TYW1B: variants seen among roughly 807,000 people sequenced by gnomAD.
The protein encoded by TYW1B is S-adenosyl-L-methionine-dependent tRNA 4-demethylwyosine synthase TYW1B.
A neutral mutation model predicts 86.9 loss-of-function variants in TYW1B; 73 were observed. The observed-to-expected ratio is 0.84, with a 90% confidence interval of 0.70 to 1.02. TYW1B has a LOEUF of 1.02. Ranked by LOEUF, TYW1B falls within the 50% of genes least tolerant of loss-of-function variation. TYW1B has a pLI of 0.00. For synonymous variants in TYW1B, 248 were observed against 292.8 expected (o/e 0.85, Z 1.56); for missense variants, 637 against 827.4 (o/e 0.77, Z 2.82).
At chr7:72,610,427 C>T (rs1811906012) in intron 13 of TYW1B, among the ~76,000 whole-genome samples, 1 of 151,996 alleles carries the variant, frequency 6.6e-6, no homozygotes, top group Admixed American at 6.6e-5. Flanking sequence ...GACACCATCA[C>T]AATCACTCAT....
At chr7:72,766,429 C>T (rs1326672044) in intron 7 of TYW1B, among the ~76,000 whole-genome samples, 6 of 151,594 alleles carry the variant, frequency 4.0e-5, no homozygotes, top group East Asian at 1.9e-4. Flanking sequence ...GCCTGGCCAA[C>T]GTGGCAAAAC....
chr7:72,589,692 C>A (rs1177999806), intron 13 of TYW1B, among the ~76,000 whole-genome samples: 1 of 152,188 alleles, frequency 6.6e-6, no homozygotes, highest in Non-Finnish European at 1.5e-5. Flanking sequence ...GCCTGACCAA[C>A]ATGGTGAAAC....
intron 2 of TYW1B, among the ~76,000 whole-genome samples, chr7:72,824,469 G>A (rs1554481098): frequency 6.6e-6 from 1 of 152,010 alleles, no homozygotes; most frequent in South Asian, 2.1e-4. Flanking sequence ...GGCTGGGAGC[G>A]GTGCCTCACG....
At chr7:72,655,056 A>C (rs1554443424) in intron 11 of TYW1B, among the ~76,000 whole-genome samples, 2 of 152,180 alleles carry the variant, frequency 1.3e-5, no homozygotes, top group Admixed American at 6.5e-5. Context: ...GATGTCATCA[A>C]GATGGTTGAC....
intron 11 of TYW1B, among the ~76,000 whole-genome samples, chr7:72,632,462 C>CGT (rs1554440105): frequency 2.1e-4 from 19 of 90,916 alleles, no homozygotes; most frequent in African/African-American, 8.2e-4. Context: ...TATATATATA[C>CGT]ATATATATAT....
chr7:72,596,592 A>T (rs74486091), intron 13 of TYW1B, among the ~76,000 whole-genome samples: 1 of 152,212 alleles, frequency 6.6e-6, no homozygotes, highest in Non-Finnish European at 1.5e-5. Flanking sequence ...AAAGCAATGA[A>T]GCTGGACCCT....
At chr7:72,738,375 G>A (rs35396753) in intron 8 of TYW1B, among the ~76,000 whole-genome samples, 11 of 152,278 alleles carry the variant, frequency 7.2e-5, no homozygotes, top group South Asian at 2.1e-4. Context: ...GAGCCACTGC[G>A]CCCGGCCTGG....
chr7:72,789,939 CTTTTTTTTTTTT>C (rs67405029), intron 6 of TYW1B, among the ~76,000 whole-genome samples: 31 of 69,212 alleles, frequency 4.5e-4, no homozygotes, highest in African/African-American at 1.5e-3. Flanking sequence ...ATAGGATTAT[CTTTTTTTTTTTT>C]TTTTTTTTTT....
chr7:72,712,837 T>C lies in TYW1B; in HGVS notation c.1370+784A>G, dbSNP rs560471770. Among the ~76,000 whole-genome samples the C allele has an allele frequency of 1.1e-3, 162 of 152,272 alleles. 1 individual carries two copies. The highest frequency in any genetic ancestry group is 3.7e-3 in the African/African-American group (155 of 41,562). ...TCCTAGACCATCTAATCCCAACCTT[T>C]CTAACTTGACTTCCACCTGCCACTC... On this transcript the variant is annotated intron_variant, in intron 10 of 13. Transcript: ENST00000620995.
chr7:72,656,611 C>CA lies in TYW1B; in HGVS notation c.1507-27615dup, dbSNP rs797022984. On this transcript the variant is annotated intron_variant, in intron 11 of 13. Transcript: ENST00000620995. ...CCTGGGTGACAGAGCAACTCTGTCT[C>CA]AAAAAAAAAAAGAAAAAAGAGAATA... Among the ~76,000 whole-genome samples, 705 of 127,232 alleles carry CA rather than the reference C, an allele frequency of 5.5e-3. 4 individuals carry two copies. The highest frequency in any genetic ancestry group is 0.013 in the African/African-American group (462 of 34,336). 83.5% of individuals were successfully genotyped at this position (127,232 alleles called of 152,430 possible). A position where few individuals can be genotyped will look rare whatever the true frequency, so the allele number is the denominator to read the frequency against.
chr7:72,599,730 T>A (rs1811613893), intron 13 of TYW1B, among the ~76,000 whole-genome samples: 1 of 152,148 alleles, frequency 6.6e-6, no homozygotes, highest in Admixed American at 6.6e-5. Context: ...ATTAATTGCT[T>A]TCCTATATAC....
chr7:72,648,475 G>A (rs1488898994), intron 11 of TYW1B, among the ~76,000 whole-genome samples: 3 of 151,174 alleles, frequency 2.0e-5, no homozygotes, highest in East Asian at 1.9e-4. Flanking sequence ...CCCAGGAGGC[G>A]GAGGTTGCAG....
At chr7:72,694,604 C>G (rs1814264052) in intron 11 of TYW1B, 83 bp downstream of exon 11, 1 of 1,366,664 alleles carries the variant, frequency 7.3e-7, no homozygotes, top group African/African-American at 1.5e-5. Context: ...TACCTCTGTT[C>G]TTTTCTTCCA....
intron 7 of TYW1B, among the ~76,000 whole-genome samples, chr7:72,763,527 C>T (rs1289836375): frequency 1.3e-5 from 2 of 152,030 alleles, no homozygotes; most frequent in Non-Finnish European, 2.9e-5. Context: ...TGTGATCCAC[C>T]CGCCTCGGCC....
chr7:72,613,557 G>A (rs1423470544), intron 13 of TYW1B, among the ~76,000 whole-genome samples: 10 of 151,556 alleles, frequency 6.6e-5, no homozygotes, highest in Admixed American at 2.6e-4. Context: ...ACAGGCCCCC[G>A]CCACCACACC....
chr7:72,798,805 T>C (rs1788354199), intron 6 of TYW1B, among the ~76,000 whole-genome samples: 1 of 152,216 alleles, frequency 6.6e-6, no homozygotes, highest in Non-Finnish European at 1.5e-5. Flanking sequence ...GGAGTTTTGT[T>C]ATTATATTCT....
intron 6 of TYW1B, among the ~76,000 whole-genome samples, chr7:72,799,986 T>C (rs1459943761): frequency 7.9e-5 from 12 of 152,168 alleles, no homozygotes; most frequent in Non-Finnish European, 1.6e-4. Context: ...CATCTGATTC[T>C]ACTATGGCCA....
chr7:72,780,832 G>A (rs1262267752), intron 6 of TYW1B, among the ~76,000 whole-genome samples: 24 of 151,982 alleles, frequency 1.6e-4, no homozygotes, highest in Admixed American at 3.9e-4. Context: ...ATAACACTCC[G>A]CAAGGGAGTT....
chr7:72,632,842 A>G (rs1812575040), intron 11 of TYW1B, among the ~76,000 whole-genome samples: 1 of 152,200 alleles, frequency 6.6e-6, no homozygotes. Context: ...CACTTTACAG[A>G]TATGAAGGTG....
Sources: allele counts gnomAD v4.1 joint callset (sites outside exome capture counted in the v4.1 genomes callset), GRCh38; gene constraint gnomAD v4.1.1; transcripts MANE v1.5; gene names NCBI Gene and HGNC (gene_info 2026-07-23, HGNC 2026-07-21).